The following UTRN variants were observed in gnomAD, a reference collection of about 807,000 sequenced individuals.
The protein encoded by UTRN is utrophin, also known as dystrophin-related protein 1.
UTRN carries 283 observed loss-of-function variants against 463.9 expected under a neutral mutation model. That is an observed-to-expected ratio of 0.61 (90% CI 0.55 to 0.67). UTRN has a LOEUF of 0.67. UTRN is among the 30% of genes least tolerant of loss of function. The pLI is 0.00. For synonymous variants in UTRN, 1,442 were observed against 1,431.5 expected, an observed-to-expected ratio of 1.01 and a Z score of -0.17; for missense variants, 3,922 against 4,084.3, an observed-to-expected ratio of 0.96 and a Z score of 1.08.
At chr6:144,427,347 C>G (rs1785386567) in intron 7 of UTRN, among the ~76,000 whole-genome samples, 3 of 152,074 alleles carry the variant, frequency 2.0e-5, no homozygotes, top group Admixed American at 6.5e-5. Context: ...TTCACTTCCT[C>G]TATGTTTTTT....
intron 51 of UTRN, among the ~76,000 whole-genome samples, chr6:144,609,051 A>G (rs1369303807): frequency 6.6e-6 from 1 of 152,226 alleles, no homozygotes; most frequent in East Asian, 1.9e-4. Flanking sequence ...CCTTGAATGT[A>G]AATGGATTAA....
chr6:144,488,041 A>G (rs1792651082), intron 29 of UTRN, among the ~76,000 whole-genome samples: 1 of 152,212 alleles, frequency 6.6e-6, no homozygotes, highest in South Asian at 2.1e-4. Flanking sequence ...AGCTGCTGTG[A>G]AAGCCATAGT....
chr6:144,518,876 C>G (rs957342603), intron 39 of UTRN, among the ~76,000 whole-genome samples: 12 of 152,090 alleles, frequency 7.9e-5, no homozygotes, highest in Non-Finnish European at 1.8e-4. Context: ...TTATATGATT[C>G]TTAAGTGTGA....
chr6:144,474,258 G>A (rs1226843868), intron 24 of UTRN, among the ~76,000 whole-genome samples: 2 of 151,632 alleles, frequency 1.3e-5, no homozygotes, highest in East Asian at 2.0e-4. Context: ...TGTTGTGCAC[G>A]TGTACCCTAG....
chr6:144,436,173 C>A, intron 10 of UTRN, 35 bp downstream of exon 10: 1 of 1,588,046 alleles, frequency 6.3e-7, no homozygotes. Flanking sequence ...GGGTGTGTCC[C>A]CCACGGGACC....
intron 39 of UTRN, among the ~76,000 whole-genome samples, chr6:144,518,780 T>C (rs1490523375): frequency 1.3e-5 from 2 of 152,222 alleles, no homozygotes; most frequent in Non-Finnish European, 1.5e-5. Flanking sequence ...AGTACTAATA[T>C]ATACTATACA....
intron 13 of UTRN, 131 bp downstream of exon 13, chr6:144,440,602 C>T (rs555028735): frequency 1.6e-6 from 2 of 1,229,306 alleles, no homozygotes; most frequent in South Asian, 2.9e-5. Context: ...TTTGATTGTA[C>T]TTCTCAGTTG....
intron 32 of UTRN, among the ~76,000 whole-genome samples, chr6:144,492,136 T>C (rs2128579749): frequency 6.6e-6 from 1 of 152,326 alleles, no homozygotes; most frequent in South Asian, 2.1e-4. Flanking sequence ...ATAATAAATG[T>C]AGTACCCAAT....
intron 2 of UTRN, among the ~76,000 whole-genome samples, chr6:144,391,325 C>T (rs1257728880): frequency 1.3e-5 from 2 of 152,136 alleles, no homozygotes; most frequent in Non-Finnish European, 2.9e-5. Flanking sequence ...TTCCTGGAGG[C>T]CACCCAAAGG....
intron 2 of UTRN, among the ~76,000 whole-genome samples, chr6:144,391,835 G>C (rs1311941426): frequency 5.3e-5 from 8 of 152,138 alleles, no homozygotes; most frequent in Admixed American, 5.2e-4. Context: ...AAAATACAGG[G>C]TTTCACCTGT....
intron 51 of UTRN, among the ~76,000 whole-genome samples, chr6:144,634,568 G>A (rs1562683738): frequency 6.6e-6 from 1 of 152,126 alleles, no homozygotes; most frequent in African/African-American, 2.4e-5. Flanking sequence ...AAGCTTTGTT[G>A]CAATATAATT....
At chr6:144,550,936 C>T in intron 47 of UTRN, 29 bp from the exon 48 acceptor site, 1 of 1,551,728 alleles carries the variant, frequency 6.4e-7, no homozygotes, top group Non-Finnish European at 8.7e-7. Context: ...GCTTATTAAC[C>T]TATCCGAATA....
chr6:144,525,641 A>AT (rs111849426), intron 41 of UTRN, among the ~76,000 whole-genome samples: 13,843 of 145,444 alleles, frequency 0.095, 966 homozygotes, highest in African/African-American at 0.2. Context: ...TTTTTGTTTC[A>AT]TTTTTTTTTG....
chr6:144,533,387 C>A, intron 43 of UTRN, 127 bp downstream of exon 43: 1 of 1,424,062 alleles, frequency 7.0e-7, no homozygotes, highest in Non-Finnish European at 9.3e-7. Context: ...ACATTTAAGA[C>A]CTCCACTGCC....
intron 2 of UTRN, among the ~76,000 whole-genome samples, chr6:144,301,466 G>A (rs1484650555): frequency 6.6e-6 from 1 of 151,800 alleles, no homozygotes; most frequent in South Asian, 2.1e-4. Flanking sequence ...CTCAGAGAGG[G>A]GGTCTCTCTG....
intron 58 of UTRN, among the ~76,000 whole-genome samples, chr6:144,768,010 A>G (rs1266863931): frequency 6.6e-6 from 1 of 152,188 alleles, no homozygotes; most frequent in Non-Finnish European, 1.5e-5. Context: ...TTTCATGGAA[A>G]AATATGAGAC....
intron 62 of UTRN, among the ~76,000 whole-genome samples, chr6:144,791,002 A>T (rs1032917191): frequency 1.2e-4 from 19 of 152,232 alleles, no homozygotes; most frequent in African/African-American, 4.6e-4. Context: ...AATTGAATCC[A>T]GGAAGTATGC....
At chr6:144,700,337 A>C in intron 53 of UTRN, 94 bp downstream of exon 53, 2 of 1,349,928 alleles carry the variant, frequency 1.5e-6, no homozygotes, top group Non-Finnish European at 1.9e-6. Context: ...AGTTGAACCA[A>C]TTATCACAGG....
chr6:144,668,447 CA>C (rs1430090268), intron 51 of UTRN, among the ~76,000 whole-genome samples: 1 of 152,160 alleles, frequency 6.6e-6, no homozygotes, highest in Non-Finnish European at 1.5e-5. Flanking sequence ...TTATTTATAA[CA>C]AGAGAAACTT....
Sources: gnomAD v4.1 joint callset for allele counts (sites outside exome capture counted in the v4.1 genomes callset) on GRCh38, gnomAD v4.1.1 for gene constraint, MANE v1.5 for transcripts, NCBI Gene and HGNC (gene_info 2026-07-23, HGNC 2026-07-21) for gene names.